Variants in FAM227A observed in about 807,000 individuals in gnomAD.
FAM227A encodes protein FAM227A.
FAM227A carries 80 observed loss-of-function variants against 74.7 expected under a neutral mutation model. That is an observed-to-expected ratio of 1.07 (90% CI 0.89 to 1.29). The LOEUF (loss-of-function observed/expected upper bound fraction) is 1.29, where lower values mean the gene tolerates loss of function less well. FAM227A is among the 50% of genes most tolerant of loss of function. The pLI is 0.00. For synonymous variants in FAM227A, 237 were observed against 241.8 expected (o/e 0.98, Z 0.19); for missense variants, 654 against 683.4 (o/e 0.96, Z 0.48).
At chr22:38,630,898 T>A (rs2091903175) in intron 6 of FAM227A, among the ~76,000 whole-genome samples, 1 of 152,224 alleles carries the variant, frequency 6.6e-6, no homozygotes, top group Non-Finnish European at 1.5e-5. Flanking sequence ...CCAGGCGCAG[T>A]GGCTCACGCC....
At chr22:38,636,985 C>T (rs1776956354) in intron 5 of FAM227A, among the ~76,000 whole-genome samples, 1 of 151,960 alleles carries the variant, frequency 6.6e-6, no homozygotes, top group South Asian at 2.1e-4. Context: ...AAACTGTTGG[C>T]CAGGCTGGTC....
At chr22:38,629,526 A>T (rs1387329987) in intron 6 of FAM227A, among the ~76,000 whole-genome samples, 1 of 152,228 alleles carries the variant, frequency 6.6e-6, no homozygotes, top group Non-Finnish European at 1.5e-5. Context: ...TCCACAATCT[A>T]TGTGGTAGGT....
At chr22:38,634,434 C>T (rs1477467473) in intron 6 of FAM227A, among the ~76,000 whole-genome samples, 1 of 152,270 alleles carries the variant, frequency 6.6e-6, no homozygotes, top group East Asian at 1.9e-4. Flanking sequence ...TTTCTAATAA[C>T]ACTAATCATA....
Position 38,628,281 on chromosome 22 carries a change from A to G in FAM227A, c.683T>C (p.Leu228Ser). ...AGAGTGGGACTTGGGTACACGAAAC[A>G]AAAGTAAGGCATAGTGCTGGGCTAT... ...DRIAQHYALL[L>S]FRVPKSHSEE... The change falls in exon 8 of 17, where the codon TTG becomes TCG. Residue 228 changes from leucine to serine, a missense_variant. Leu to Ser is a moderately radical substitution (Grantham distance 145). Coordinates refer to ENST00000535113, the MANE Select transcript of FAM227A (RefSeq NM_001013647.2). 1 of 1,551,602 alleles carries G rather than the reference A, an allele frequency of 6.4e-7. No homozygotes were observed. Among genetic ancestry groups the G allele is most frequent in the Non-Finnish European group, 8.7e-7 (1 of 1,146,910 alleles).
At chr22:38,641,630 A>T (rs1261223528) in intron 3 of FAM227A, among the ~76,000 whole-genome samples, 1 of 151,576 alleles carries the variant, frequency 6.6e-6, no homozygotes, top group African/African-American at 2.4e-5. Flanking sequence ...TCTCTCAAAG[A>T]GTACATCTTC....
intron 3 of FAM227A, among the ~76,000 whole-genome samples, chr22:38,644,689 T>C (rs911630897): frequency 1.6e-4 from 24 of 152,230 alleles, no homozygotes; most frequent in Non-Finnish European, 3.4e-4. Flanking sequence ...CACTATCTTA[T>C]GGAATGTCAA....
chr22:38,638,794 G>C lies in FAM227A; in HGVS notation c.324C>G (p.Ser108=). Residue 108 remains serine, a synonymous_variant, in exon 5 of 17, where the codon TCC becomes TCG. Coordinates refer to ENST00000535113, the MANE Select transcript of FAM227A (RefSeq NM_001013647.2). ...CATGTCTGAGTTCGGAGCCTTTGCA[G>C]GAATACTGAGATTTCCTTTGTCTCT... ...KVKRQRKSQY[S]CKGSELRHAR... 1 of 1,537,048 alleles carries C rather than the reference G, an allele frequency of 6.5e-7. No homozygotes were observed. The highest frequency in any genetic ancestry group is 1.2e-5 in the South Asian group (1 of 81,080).
At chr22:38,609,709 G>A (rs2091369843) in intron 11 of FAM227A, among the ~76,000 whole-genome samples, 2 of 152,262 alleles carry the variant, frequency 1.3e-5, no homozygotes, top group African/African-American at 4.8e-5. Context: ...GTGTTGAGGT[G>A]GTTGCAGGGA....
chr22:38,626,681 T>G (rs1006711711), intron 8 of FAM227A, among the ~76,000 whole-genome samples: 22 of 150,874 alleles, frequency 1.5e-4, no homozygotes, highest in African/African-American at 4.9e-4. Flanking sequence ...CTGGCCAACA[T>G]GGTGAAACTG....
At chr22:38,619,684 A>G (rs2091646477) in intron 11 of FAM227A, among the ~76,000 whole-genome samples, 1 of 152,092 alleles carries the variant, frequency 6.6e-6, no homozygotes, top group East Asian at 1.9e-4. Flanking sequence ...GGGATGATGT[A>G]CTTAGCTTTG....
chr22:38,618,806 C>T (rs2091628204), intron 11 of FAM227A, among the ~76,000 whole-genome samples: 1 of 152,094 alleles, frequency 6.6e-6, no homozygotes, highest in Admixed American at 6.6e-5. Context: ...GTCTCTATCG[C>T]AAGTACTCAA....
intron 11 of FAM227A, among the ~76,000 whole-genome samples, chr22:38,616,681 AT>A (rs1747649675): frequency 6.6e-6 from 1 of 151,834 alleles, no homozygotes; most frequent in Admixed American, 6.6e-5. Flanking sequence ...AAAAAAAAAA[AT>A]AATAAGTTCT....
intron 11 of FAM227A, among the ~76,000 whole-genome samples, chr22:38,617,008 G>A (rs2091591835): frequency 6.6e-6 from 1 of 151,990 alleles, no homozygotes; most frequent in African/African-American, 2.4e-5. Context: ...TCTCAGTGAA[G>A]ACCTTCCCTG....
chr22:38,641,673 C>T (rs1157978768), intron 3 of FAM227A, among the ~76,000 whole-genome samples: 2 of 150,482 alleles, frequency 1.3e-5, no homozygotes, highest in Non-Finnish European at 3.0e-5. Context: ...TAGCCACCAT[C>T]GAGAAGCAGG....
chr22:38,620,285 T>G lies in FAM227A; in HGVS notation c.965A>C (p.Glu322Ala). 1 of 1,550,400 alleles carries G rather than the reference T, an allele frequency of 6.4e-7. No homozygotes were observed. The highest frequency in any genetic ancestry group is 1.4e-5 in the African/African-American group (1 of 73,098). ...TCTCTTACCAGCAAACAAAGAAAAC[T>G]CTCTCCCTATAGAAGGGGAAAAGCT... ...LYRRRLTKGREFSLFAGKRAF... is the reference protein window; with the variant it reads ...LYRRRLTKGRAFSLFAGKRAF... The change falls in exon 11 of 17, where the codon GAG becomes GCG. Residue 322 changes from glutamate to alanine, a missense_variant. Transcript: ENST00000535113.
rs2090716049 is a variant in FAM227A at position 38,582,174 on chromosome 22, C to A, written c.*3951G>T. The stretch of plus-strand genomic sequence containing the variant: ...ATCAAGATAGTAGACATATCTGTCA[C>A]CCCCAAAAGTTTATTTGGGCCTCTT... On this transcript the variant is annotated 3_prime_UTR_variant, in exon 17 of 17. Coordinates refer to ENST00000535113, the MANE Select transcript of FAM227A (RefSeq NM_001013647.2). 6 of 625,660 alleles carry A rather than the reference C, an allele frequency of 9.6e-6. No homozygotes were observed. Among genetic ancestry groups the A allele is most frequent in the Non-Finnish European group, 1.4e-5 (5 of 360,118 alleles). 38.8% of individuals were successfully genotyped at this position (625,660 alleles called of 1,614,324 possible). A position where few individuals can be genotyped will look rare whatever the true frequency, so the allele number is the denominator to read the frequency against.
At chr22:38,626,707 TA>T (rs1480267497) in intron 8 of FAM227A, among the ~76,000 whole-genome samples, 3 of 147,414 alleles carry the variant, frequency 2.0e-5, no homozygotes, top group Admixed American at 6.8e-5. Context: ...CTACTAAAAA[TA>T]AAAAAAATAA....
At chr22:38,628,179 C>T in intron 8 of FAM227A, 59 bp downstream of exon 8, 1 of 988,026 alleles carries the variant, frequency 1.0e-6, no homozygotes. Context: ...ATTCTCTTGG[C>T]ATCAGAAATG....
intron 10 of FAM227A, among the ~76,000 whole-genome samples, chr22:38,620,816 A>C (rs1056874286): frequency 6.6e-6 from 1 of 151,864 alleles, no homozygotes; most frequent in African/African-American, 2.4e-5. Flanking sequence ...CTCAAGAAAA[A>C]AAAGAAAAAA....
Sources: allele counts gnomAD v4.1 joint callset (sites outside exome capture counted in the v4.1 genomes callset), GRCh38; gene constraint gnomAD v4.1.1; transcripts MANE v1.5; gene names NCBI Gene and HGNC (gene_info 2026-07-23, HGNC 2026-07-21).